The following DCC variants were observed in gnomAD, a reference collection of about 807,000 sequenced individuals.
DCC encodes the protein DCC netrin 1 receptor.
A neutral mutation model predicts 172.5 loss-of-function variants in DCC; 58 were observed. That is an observed-to-expected ratio of 0.34 (90% CI 0.27 to 0.42). DCC has a LOEUF of 0.42. DCC is among the 10% of genes least tolerant of loss of function. DCC has a pLI of 1.00. For missense variants in DCC, 1,740 were observed against 1,791.0 expected (o/e 0.97, Z 0.51); for synonymous variants, 709 against 644.5 (o/e 1.10, Z -1.52).
chr18:53,119,392 C>T (rs983193210), intron 7 of DCC, among the ~76,000 whole-genome samples: 4 of 151,732 alleles, frequency 2.6e-5, no homozygotes, highest in Non-Finnish European at 5.9e-5. Flanking sequence ...CCTGGCTCAA[C>T]TCTCTCACCA....
At chr18:52,953,557 A>G (rs897839166) in intron 5 of DCC, among the ~76,000 whole-genome samples, 4 of 152,218 alleles carry the variant, frequency 2.6e-5, no homozygotes, top group African/African-American at 9.6e-5. Flanking sequence ...CACTAAGGCA[A>G]GAACATGCAG....
chr18:53,023,626 A>G (rs1357445900), intron 5 of DCC, among the ~76,000 whole-genome samples: 3 of 152,038 alleles, frequency 2.0e-5, no homozygotes. Flanking sequence ...AGGCAAAACT[A>G]TATTTGAGAG....
chr18:53,193,288 C>T (rs1002176040), intron 9 of DCC, among the ~76,000 whole-genome samples: 1 of 152,058 alleles, frequency 6.6e-6, no homozygotes, highest in African/African-American at 2.4e-5. Flanking sequence ...GACTCCTCTC[C>T]TCCCTGCACC....
intron 14 of DCC, among the ~76,000 whole-genome samples, chr18:53,338,396 G>C (rs946971594): frequency 2.6e-5 from 4 of 152,198 alleles, no homozygotes; most frequent in Non-Finnish European, 5.9e-5. Context: ...GAGGTCAGAA[G>C]TTCAAGATAA....
intron 9 of DCC, among the ~76,000 whole-genome samples, chr18:53,196,677 A>G (rs2144525716): frequency 6.6e-6 from 1 of 152,276 alleles, no homozygotes; most frequent in South Asian, 2.1e-4. Context: ...CATCTATATC[A>G]CACATTATAT....
At chr18:52,839,003 A>C (rs1417176746) in intron 2 of DCC, among the ~76,000 whole-genome samples, 1 of 152,178 alleles carries the variant, frequency 6.6e-6, no homozygotes, top group Non-Finnish European at 1.5e-5. Flanking sequence ...GAAGATAACA[A>C]ATTTACCTTG....
intron 5 of DCC, among the ~76,000 whole-genome samples, chr18:53,036,658 A>G (rs1171547448): frequency 1.3e-5 from 2 of 152,058 alleles, no homozygotes; most frequent in African/African-American, 2.4e-5. Context: ...ATTTGTTAAC[A>G]GCTTAGATAG....
At chr18:53,238,566 T>TATAAGCCTTATGTGTCCAAGCTCTC in intron 12 of DCC, among the ~76,000 whole-genome samples, 1 of 151,840 alleles carries the variant, frequency 6.6e-6, no homozygotes, top group Non-Finnish European at 1.5e-5. Flanking sequence ...TCCAAGCTCT[T>TATAAGCCTTATGTGTCCAAGCTCTC]ATAAGCCTTA....
chr18:53,068,198 C>G (rs8082863), intron 7 of DCC, among the ~76,000 whole-genome samples: 48,901 of 151,958 alleles, frequency 0.32, 9,604 homozygotes, highest in African/African-American at 0.56. Context: ...ACTAGTAATG[C>G]ATAAGTAGGA....
chr18:53,282,557 T>A (rs753381243), intron 12 of DCC, among the ~76,000 whole-genome samples: 1 of 152,172 alleles, frequency 6.6e-6, no homozygotes, highest in Admixed American at 6.6e-5. Context: ...GGAAATGGAA[T>A]TGAAAATATT....
chr18:53,030,900 G>A (rs1412229141), intron 5 of DCC, among the ~76,000 whole-genome samples: 1 of 152,120 alleles, frequency 6.6e-6, no homozygotes, highest in Non-Finnish European at 1.5e-5. Context: ...ACCTTCTTGA[G>A]CAGTGTTGTC....
chr18:52,475,488 G>A (rs1018730939), intron 1 of DCC, among the ~76,000 whole-genome samples: 4 of 152,114 alleles, frequency 2.6e-5, no homozygotes, highest in Admixed American at 2.6e-4. Flanking sequence ...AAGGAATGGA[G>A]TTGATGATAC....
At chr18:53,439,291 A>G (rs1414383847) in intron 22 of DCC, among the ~76,000 whole-genome samples, 2 of 152,222 alleles carry the variant, frequency 1.3e-5, no homozygotes, top group Admixed American at 1.3e-4. Context: ...AAAGGGGGGT[A>G]TGTTTTCCAA....
At chr18:53,023,248 T>C (rs1279245372) in intron 5 of DCC, among the ~76,000 whole-genome samples, 2 of 151,542 alleles carry the variant, frequency 1.3e-5, no homozygotes, top group Non-Finnish European at 2.9e-5. Flanking sequence ...CTTCTAAGAA[T>C]ATACAGTTTT....
At chr18:52,415,601 A>T (rs1204645385) in intron 1 of DCC, among the ~76,000 whole-genome samples, 1 of 152,134 alleles carries the variant, frequency 6.6e-6, no homozygotes, top group African/African-American at 2.4e-5. Flanking sequence ...TAAGGCTGAG[A>T]GAGCACAGAG....
intron 7 of DCC, among the ~76,000 whole-genome samples, chr18:53,154,741 G>C (rs1016643118): frequency 6.6e-6 from 1 of 152,088 alleles, no homozygotes; most frequent in African/African-American, 2.4e-5. Context: ...GATGGGCTTC[G>C]GGTTTCCAGG....
chr18:52,975,729 G>T (rs1324390558), intron 5 of DCC, among the ~76,000 whole-genome samples: 1 of 152,276 alleles, frequency 6.6e-6, no homozygotes, highest in African/African-American at 2.4e-5. Context: ...TGGTATATAT[G>T]TACCACATGT....
At chr18:52,935,476 A>G (rs2040368328) in intron 5 of DCC, among the ~76,000 whole-genome samples, 1 of 152,148 alleles carries the variant, frequency 6.6e-6, no homozygotes, top group Non-Finnish European at 1.5e-5. Context: ...AAGCATGTAT[A>G]TCTTCACACA....
At chr18:52,676,649 A>T (rs1195709207) in intron 1 of DCC, among the ~76,000 whole-genome samples, 1 of 152,192 alleles carries the variant, frequency 6.6e-6, no homozygotes, top group Non-Finnish European at 1.5e-5. Flanking sequence ...CATAGTTCCC[A>T]GTGGGTGCAC....
Sources: allele counts gnomAD v4.1 joint callset (sites outside exome capture counted in the v4.1 genomes callset), GRCh38; gene constraint gnomAD v4.1.1; transcripts MANE v1.5; gene names NCBI Gene and HGNC (gene_info 2026-07-23, HGNC 2026-07-21).